The following MAT2B variants were observed in gnomAD, a reference collection of about 807,000 sequenced individuals.
MAT2B encodes the protein methionine adenosyltransferase 2 subunit beta.
A neutral mutation model predicts 36.1 loss-of-function variants in MAT2B; 16 were observed. The observed-to-expected ratio is 0.44, with a 90% confidence interval of 0.30 to 0.67. The LOEUF is 0.67. MAT2B is among the 30% of genes least tolerant of loss of function. MAT2B has a pLI of 0.09. For synonymous variants in MAT2B, 148 were observed against 136.9 expected, an observed-to-expected ratio of 1.08 and a Z score of -0.57; for missense variants, 332 against 398.2, an observed-to-expected ratio of 0.83 and a Z score of 1.42.
chr5:163,516,280 C>A (rs980529681), intron 4 of MAT2B, among the ~76,000 whole-genome samples: 6 of 152,090 alleles, frequency 3.9e-5, no homozygotes, highest in African/African-American at 1.4e-4. Context: ...GAACTCCTGG[C>A]TTCAAGTGAT....
upstream of MAT2B, among the ~76,000 whole-genome samples, chr5:163,505,252 T>C (rs1192278352): frequency 6.6e-6 from 1 of 152,128 alleles, no homozygotes; most frequent in South Asian, 2.1e-4. Context: ...AAAATGCTTT[T>C]TATTCCACTT....
At chr5:163,511,184 C>A (rs1760034571) in intron 1 of MAT2B, among the ~76,000 whole-genome samples, 2 of 152,172 alleles carry the variant, frequency 1.3e-5, no homozygotes, top group South Asian at 4.1e-4. Flanking sequence ...TTTCTGTTAA[C>A]ATAGGAAATA....
rs1760154045 is a variant in MAT2B at position 163,517,643 on chromosome 5, C to G, written c.803C>G (p.Ala268Gly). 4 of 1,613,430 alleles carry G rather than the reference C, an allele frequency of 2.5e-6. No individual in the cohort carries two copies. The East Asian group carries it at 6.7e-5, about 27-fold the overall frequency. The change falls in exon 6 of 7, where the codon GCC becomes GGC. Residue 268 changes from alanine to glycine, a missense_variant. Ala to Gly is a moderately conservative substitution (Grantham distance 60). Coordinates refer to ENST00000321757, the MANE Select transcript of MAT2B (RefSeq NM_013283.5). ...GAAATGGCATGTGCAATTGCAGATG[C>G]CTTCAACCTCCCCAGCAGTCACTTA... Reference protein sequence around the residue: ...KYEMACAIADAFNLPSSHLRP... With the variant: ...KYEMACAIADGFNLPSSHLRP...
chr5:163,517,793 C>G (rs1369765988), intron 6 of MAT2B, 119 bp downstream of exon 6: 3 of 610,378 alleles, frequency 4.9e-6, no homozygotes, highest in African/African-American at 1.8e-5. Flanking sequence ...GCTGGCTGTT[C>G]ATAGTGCTAC....
Position 163,512,383 on chromosome 5 carries a change from T to C in MAT2B, c.258+187T>C. On this transcript the variant is annotated intron_variant, in intron 2 of 6. Transcript: ENST00000321757. ...ACCTTAAAGTTAAATTTTGACACGCTGACAAAGACAAATATGAGACATTTT... is the reference window on the plus strand; with the variant it reads ...ACCTTAAAGTTAAATTTTGACACGCCGACAAAGACAAATATGAGACATTTT... 9 of 602,044 alleles carry C rather than the reference T, an allele frequency of 1.5e-5. No individual in the cohort carries two copies. In the South Asian group the frequency reaches 1.6e-4, roughly 11 times the overall value. The allele number at this position is 602,044 out of a possible 1,614,324, so 37.3% of individuals were successfully genotyped here.
intron 1 of MAT2B, among the ~76,000 whole-genome samples, chr5:163,507,067 G>A (rs2113549642): frequency 1.1e-5 from 1 of 87,396 alleles, no homozygotes; most frequent in African/African-American, 4.7e-5. Context: ...ATCTTAAAAA[G>A]TAAAGCCCAG....
chr5:163,503,285 GT>G, upstream of MAT2B: 1 of 939,538 alleles, frequency 1.1e-6, no homozygotes. Context: ...TGCTCCTCAC[GT>G]TTTGGCGTGC....
At chr5:163,512,691 T>G in intron 2 of MAT2B, 2 of 454,594 alleles carry the variant, frequency 4.4e-6, no homozygotes, top group Middle Eastern at 6.6e-4. Context: ...TGTTTTGTTC[T>G]TGTTTTTGTG....
At chr5:163,503,285 G>A, upstream of MAT2B, 1 of 939,540 alleles carries the variant, frequency 1.1e-6, no homozygotes, top group Non-Finnish European at 1.7e-6. Flanking sequence ...TGCTCCTCAC[G>A]TTTTGGCGTG....
At chr5:163,512,386 C>G (rs1760060187) in intron 2 of MAT2B, 190 bp downstream of exon 2, 2 of 599,072 alleles carry the variant, frequency 3.3e-6, no homozygotes, top group Admixed American at 6.0e-5. Flanking sequence ...GACACGCTGA[C>G]AAAGACAAAT....
intron 1 of MAT2B, among the ~76,000 whole-genome samples, chr5:163,511,105 G>A (rs1402156457): frequency 6.6e-6 from 1 of 152,086 alleles, no homozygotes; most frequent in Non-Finnish European, 1.5e-5. Context: ...TTAGGTACTT[G>A]GAGCAAAAGT....
intron 3 of MAT2B, 69 bp from the exon 4 acceptor site, chr5:163,513,773 A>C: frequency 6.5e-7 from 1 of 1,531,382 alleles, no homozygotes. Flanking sequence ...ATCATGAAAA[A>C]CCATTCTAAA....
chr5:163,517,424 T>C, intron 5 of MAT2B, 137 bp from the exon 6 acceptor site: 2 of 478,678 alleles, frequency 4.2e-6, no homozygotes, highest in Non-Finnish European at 7.7e-6. Flanking sequence ...ATTTTAGATA[T>C]CTTGTGGAGA....
At position 163,516,580 on chromosome 5, in the gene MAT2B, G is replaced by A; in HGVS notation, c.589G>A (p.Val197Met). ...GEVEKLEESA[V>M]TVMFDKVQFS... ...AGTTGAAAAGCTCGAAGAAAGTGCTGTGACTGTTATGTTTGATAAAGTGCA... is the reference window on the plus strand; with the variant it reads ...AGTTGAAAAGCTCGAAGAAAGTGCTATGACTGTTATGTTTGATAAAGTGCA... Residue 197 changes from valine to methionine, a missense_variant, in exon 5 of 7, where the codon GTG becomes ATG. By Grantham distance (21) the Val-to-Met change is conservative. Coordinates refer to ENST00000321757, the MANE Select transcript of MAT2B (RefSeq NM_013283.5). 6.2e-7 allele frequency: 1 copy of A among 1,614,184 alleles called. No individual in the cohort carries two copies. The highest frequency in any genetic ancestry group is 8.5e-7 in the Non-Finnish European group (1 of 1,180,020).
intron 1 of MAT2B, among the ~76,000 whole-genome samples, chr5:163,508,882 C>T (rs924220308): frequency 1.3e-5 from 2 of 152,188 alleles, no homozygotes; most frequent in African/African-American, 4.8e-5. Flanking sequence ...GGAAATGATA[C>T]TGCACAACAT....
chr5:163,516,953 G>T lies in MAT2B; in HGVS notation c.720+242G>T, dbSNP rs1760143040. 1.7e-5 allele frequency: 10 copies of T among 580,418 alleles called. 1 individual carries two copies. The South Asian group carries it at 2.3e-4, about 13-fold the overall frequency. The allele number at this position is 580,418 out of a possible 1,614,324, so 36.0% of individuals were successfully genotyped here. A position where few individuals can be genotyped will look rare whatever the true frequency, so the allele number is the denominator to read the frequency against. On this transcript the variant is annotated intron_variant, in intron 5 of 6. Transcript: ENST00000321757. Reference sequence around the variant, plus strand: ...ATCCCATCATTTCTTTTATTGCAAAGTGTTAGGAAACTTCAAAATAATCAT... The same window carrying T: ...ATCCCATCATTTCTTTTATTGCAAATTGTTAGGAAACTTCAAAATAATCAT...
intron 4 of MAT2B, among the ~76,000 whole-genome samples, chr5:163,514,343 G>A (rs1760097450): frequency 6.6e-6 from 1 of 152,088 alleles, no homozygotes; most frequent in African/African-American, 2.4e-5. Context: ...TGTGTTATAT[G>A]TGTATGTATT....
intron 4 of MAT2B, among the ~76,000 whole-genome samples, chr5:163,515,517 T>C (rs1760116770): frequency 6.6e-6 from 1 of 152,188 alleles, no homozygotes; most frequent in Non-Finnish European, 1.5e-5. Flanking sequence ...GCAGTTATCA[T>C]ACATTTGGAA....
intron 6 of MAT2B, 170 bp from the exon 7 acceptor site, chr5:163,518,023 C>G: frequency 9.3e-6 from 5 of 535,950 alleles, no homozygotes; most frequent in Non-Finnish European, 1.6e-5. Context: ...GAGGCTGACG[C>G]AGGAGGATCC....
Sources: gnomAD v4.1 joint callset for allele counts (sites outside exome capture counted in the v4.1 genomes callset) on GRCh38, gnomAD v4.1.1 for gene constraint, MANE v1.5 for transcripts, NCBI Gene and HGNC (gene_info 2026-07-23, HGNC 2026-07-21) for gene names.